Variants in SLC27A1 observed in about 807,000 individuals in gnomAD.
SLC27A1 encodes solute carrier family 27 member 1.
SLC27A1 carries 61 observed loss-of-function variants against 62.2 expected under a neutral mutation model. The ratio of observed to expected loss-of-function variants is 0.98; its 90% CI spans 0.80 to 1.21. The LOEUF is 1.21. Among genes scored for constraint, SLC27A1 ranks in the 50% most tolerant of loss-of-function variants. The pLI is 0.00. For synonymous variants in SLC27A1, 435 were observed against 408.6 expected (o/e 1.06, Z -0.78); for missense variants, 903 against 932.1 (o/e 0.97, Z 0.41).
At chr19:17,498,160 G>A (rs933890756) in intron 7 of SLC27A1, 8 of 152,344 alleles carry the variant, frequency 5.3e-5, no homozygotes, top group African/African-American at 1.9e-4. Flanking sequence ...CTTGAGCCCA[G>A]GAGTTTGAGA....
chr19:17,505,178 G>A lies in SLC27A1; in HGVS notation c.*566G>A. The stretch of plus-strand genomic sequence containing the variant: ...CAGAGTGCTGGGATTATAGGCGTGA[G>A]CCTCTGGCCCGGCCTTTCCTTTTTC... On this transcript the variant is annotated 3_prime_UTR_variant, in exon 12 of 12. Coordinates refer to ENST00000252595, the MANE Select transcript of SLC27A1 (RefSeq NM_198580.3). The A allele has an allele frequency of 3.2e-6, 1 of 316,390 alleles. No individual in the cohort carries two copies. Among genetic ancestry groups the A allele is most frequent in the Non-Finnish European group, 6.2e-6 (1 of 162,368 alleles). 19.6% of individuals were successfully genotyped at this position (316,390 alleles called of 1,614,324 possible). A position where few individuals can be genotyped will look rare whatever the true frequency, so the allele number is the denominator to read the frequency against.
chr19:17,492,607 A>T (rs1201497052), intron 6 of SLC27A1, among the ~76,000 whole-genome samples: 1 of 116,300 alleles, frequency 8.6e-6, no homozygotes, highest in African/African-American at 3.3e-5. Context: ...CAAGAGTGAG[A>T]CTCCATCTCA....
At chr19:17,496,295 A>C (rs2075348531) in intron 6 of SLC27A1, 1 of 150,982 alleles carries the variant, frequency 6.6e-6, no homozygotes, top group Non-Finnish European at 1.5e-5. Flanking sequence ...TCCATCTGTA[A>C]AGTGGCGGGG....
chr19:17,482,941 T>A (rs930057709), intron 1 of SLC27A1, among the ~76,000 whole-genome samples: 3 of 151,056 alleles, frequency 2.0e-5, no homozygotes, highest in African/African-American at 7.4e-5. Flanking sequence ...GATGCACAGA[T>A]CTCCTGCGTG....
rs1252619047 is a variant in SLC27A1 at position 17,488,994 on chromosome 19, GC to G, written c.887-12del. ...TGGGGGCGGGGGACCCCTTACCAAG[GC>G]CACCCTCTGCAGGAAACATCATCGG... is the stretch of plus-strand genomic sequence containing the variant. On this transcript the variant is annotated splice_polypyrimidine_tract_variant and intron_variant, in intron 5 of 11. Coordinates refer to ENST00000252595, the MANE Select transcript of SLC27A1 (RefSeq NM_198580.3). The G allele has an allele frequency of 6.2e-7, 1 of 1,613,906 alleles. No individual in the cohort carries two copies. The highest frequency in any genetic ancestry group is 8.5e-7 in the Non-Finnish European group (1 of 1,179,956).
At chr19:17,501,021 G>T in intron 10 of SLC27A1, 145 bp downstream of exon 10, 1 of 1,103,886 alleles carries the variant, frequency 9.1e-7, no homozygotes, top group Non-Finnish European at 1.3e-6. Context: ...TGGATCTGGA[G>T]CCAGTTCACC....
intron 1 of SLC27A1, among the ~76,000 whole-genome samples, chr19:17,471,856 C>T (rs1454212024): frequency 6.6e-6 from 1 of 152,150 alleles, no homozygotes; most frequent in East Asian, 1.9e-4. Flanking sequence ...ATGGCCAGCC[C>T]ATCCTTGGCA....
intron 1 of SLC27A1, among the ~76,000 whole-genome samples, chr19:17,472,317 C>T (rs1428177898): frequency 6.6e-6 from 1 of 151,536 alleles, no homozygotes. Context: ...ATGGTGTGAA[C>T]CCCGGAGGCG....
At chr19:17,474,342 C>T (rs900229491) in intron 1 of SLC27A1, among the ~76,000 whole-genome samples, 15 of 152,180 alleles carry the variant, frequency 9.9e-5, no homozygotes, top group African/African-American at 2.7e-4. Context: ...TGTGGCCCTG[C>T]GCCCCACTCA....
At chr19:17,499,546 C>T (rs2075386593) in intron 7 of SLC27A1, 1 of 151,910 alleles carries the variant, frequency 6.6e-6, no homozygotes, top group African/African-American at 2.4e-5. Context: ...CCACACACGC[C>T]TGTAATCCCA....
Position 17,505,188 on chromosome 19 carries a change from C to T in SLC27A1, c.*576C>T, listed in dbSNP as rs1192148031. 3 of 302,712 alleles carry T rather than the reference C, an allele frequency of 9.9e-6. No individual in the cohort carries two copies. The highest frequency in any genetic ancestry group is 9.1e-5 in the East Asian group (1 of 11,040). The allele number at this position is 302,712 out of a possible 1,614,324, so 18.8% of individuals were successfully genotyped here. A position where few individuals can be genotyped will look rare whatever the true frequency, so the allele number is the denominator to read the frequency against. On this transcript the variant is annotated 3_prime_UTR_variant, in exon 12 of 12. Coordinates refer to ENST00000252595, the MANE Select transcript of SLC27A1 (RefSeq NM_198580.3). Reference sequence around the variant, plus strand: ...GGATTATAGGCGTGAGCCTCTGGCCCGGCCTTTCCTTTTTCCTCTCCTCTC... The same window carrying T: ...GGATTATAGGCGTGAGCCTCTGGCCTGGCCTTTCCTTTTTCCTCTCCTCTC...
intron 11 of SLC27A1, among the ~76,000 whole-genome samples, chr19:17,503,775 T>A (rs2075442986): frequency 6.6e-6 from 1 of 151,464 alleles, no homozygotes. Context: ...CTACCAAAAT[T>A]TTAAAAATTA....
At chr19:17,487,995 G>A (rs1002085777) in intron 4 of SLC27A1, among the ~76,000 whole-genome samples, 4 of 152,060 alleles carry the variant, frequency 2.6e-5, no homozygotes, top group African/African-American at 7.2e-5. Context: ...AGCTACAGGA[G>A]GTTTGAAAAT....
intron 11 of SLC27A1, among the ~76,000 whole-genome samples, chr19:17,501,752 C>T (rs1334080817): frequency 7.8e-6 from 1 of 128,140 alleles, no homozygotes; most frequent in Non-Finnish European, 1.6e-5. Flanking sequence ...GCAGTGAGCC[C>T]AGATCACGCC....
intron 1 of SLC27A1, among the ~76,000 whole-genome samples, chr19:17,471,587 A>C (rs2075076875): frequency 6.6e-6 from 1 of 152,136 alleles, no homozygotes; most frequent in South Asian, 2.1e-4. Flanking sequence ...GAACAGCACC[A>C]CGTGGGAGCA....
At chr19:17,473,909 C>A (rs1375604120) in intron 1 of SLC27A1, among the ~76,000 whole-genome samples, 1 of 152,106 alleles carries the variant, frequency 6.6e-6, no homozygotes, top group Non-Finnish European at 1.5e-5. Context: ...TTTAACCCAG[C>A]ATTTTTAGTT....
chr19:17,489,100 A>C lies in SLC27A1; in HGVS notation c.979A>C (p.Ile327Leu), dbSNP rs745641640. 2 of 1,614,102 alleles carry C rather than the reference A, an allele frequency of 1.2e-6. No homozygotes were observed. The highest frequency in any genetic ancestry group is 1.7e-6 in the Non-Finnish European group (2 of 1,180,000). The stretch of plus-strand genomic sequence containing the variant: ...GGCCAGCCGCTTCTGGGACGACTGC[A>C]TCAAGTACAACTGCACGGTCAGGCC... ...FSASRFWDDCIKYNCTVVQYI... is the reference protein window; with the variant it reads ...FSASRFWDDCLKYNCTVVQYI... Residue 327 changes from isoleucine (I) to leucine (L), a missense_variant, in exon 6 of 12, where the codon ATC becomes CTC. Ile to Leu is a conservative substitution (Grantham distance 5, BLOSUM62 2). Coordinates refer to ENST00000252595, the MANE Select transcript of SLC27A1 (RefSeq NM_198580.3).
intron 11 of SLC27A1, among the ~76,000 whole-genome samples, chr19:17,504,226 G>A (rs75589047): frequency 0.024 from 3,604 of 152,240 alleles, 47 homozygotes; most frequent in African/African-American, 0.033. Context: ...CAGGCAGGGT[G>A]TACATTTTCT....
At chr19:17,489,303 C>G (rs565418601) in intron 6 of SLC27A1, among the ~76,000 whole-genome samples, 186 bp downstream of exon 6, 1 of 152,096 alleles carries the variant, frequency 6.6e-6, no homozygotes, top group Non-Finnish European at 1.5e-5. Context: ...TCCCTTAACT[C>G]CCTTATGTGC....
Sources: gnomAD v4.1 joint callset for allele counts (sites outside exome capture counted in the v4.1 genomes callset) on GRCh38, gnomAD v4.1.1 for gene constraint, MANE v1.5 for transcripts, NCBI Gene and HGNC (gene_info 2026-07-23, HGNC 2026-07-21) for gene names.